Variants in LRP1 observed in about 807,000 individuals in gnomAD.
The protein encoded by LRP1 is prolow-density lipoprotein receptor-related protein 1.
Under a neutral mutation model 541.5 loss-of-function variants are expected in LRP1, and 51 were observed. The observed-to-expected ratio is 0.09, with a 90% confidence interval of 0.08 to 0.12. The LOEUF (loss-of-function observed/expected upper bound fraction) is 0.12. Ranked by LOEUF, LRP1 falls within the 10% of genes least tolerant of loss-of-function variation. LRP1 has a pLI of 1.00. For missense variants in LRP1, 3,878 were observed against 6,376.2 expected, an observed-to-expected ratio of 0.61 and a Z score of 13.34; for synonymous variants, 2,219 against 2,470.8, an observed-to-expected ratio of 0.90 and a Z score of 3.02.
chr12:57,199,339 C>T lies in LRP1; in HGVS notation c.9804C>T (p.Leu3268=), dbSNP rs972258196. ...CCACGGGCACCAACAAAACGCTCCT[C>T]ATCAGCACGCTGCACCGGCCCATGG... ...HKTTGTNKTL[L]ISTLHRPMDL... The change falls in exon 61 of 89, where the codon CTC becomes CTT. Residue 3268 remains leucine, a synonymous_variant. Transcript: ENST00000243077. 1.2e-5 allele frequency: 19 copies of T among 1,613,314 alleles called. No individual in the cohort carries two copies. In the African/African-American group the frequency reaches 1.6e-4, roughly 14 times the overall value.
intron 42 of LRP1, among the ~76,000 whole-genome samples, chr12:57,188,517 A>G (rs902521962): frequency 9.2e-5 from 14 of 152,116 alleles, no homozygotes; most frequent in African/African-American, 2.7e-4. Context: ...ATGAAGGTCC[A>G]GTCCCCCCTT....
intron 77 of LRP1, chr12:57,208,474 C>T: frequency 1.7e-6 from 1 of 594,292 alleles, no homozygotes; most frequent in African/African-American, 1.9e-5. Context: ...CACACTCTGC[C>T]CTGGGGAACA....
At chr12:57,191,568 C>A in intron 44 of LRP1, 56 bp downstream of exon 44, 1 of 1,474,518 alleles carries the variant, frequency 6.8e-7, no homozygotes, top group Non-Finnish European at 9.2e-7. Context: ...CATGGACATA[C>A]AAACACACAC....
At chr12:57,137,689 G>A (rs906685910) in intron 1 of LRP1, among the ~76,000 whole-genome samples, 1 of 152,070 alleles carries the variant, frequency 6.6e-6, no homozygotes, top group Non-Finnish European at 1.5e-5. Flanking sequence ...CCAGCCACTG[G>A]GGAGGCCGAG....
rs1269648484 is a variant in LRP1 at position 57,194,484 on chromosome 12, T to C, written c.8049T>C (p.Ser2683=). Residue 2683 remains serine, a synonymous_variant, in exon 49 of 89, where the codon AGT becomes AGC. Transcript: ENST00000243077. ...GCGCCAATGACTGTGGGGACTACAG[T>C]GATGAGCGCGACTGCCCAGGTGGGC... ...CDGANDCGDY[S]DERDCPGVKR... 6.2e-7 allele frequency: 1 copy of C among 1,600,852 alleles called. No homozygotes were observed. Among genetic ancestry groups the C allele is most frequent in the Non-Finnish European group, 8.5e-7 (1 of 1,173,822 alleles).
chr12:57,176,993 C>T (rs1321892402), intron 24 of LRP1, 48 bp from the exon 25 acceptor site: 1 of 1,526,316 alleles, frequency 6.6e-7, no homozygotes, highest in Non-Finnish European at 9.1e-7. Context: ...CACATTCATG[C>T]ACAGCTCCCC....
chr12:57,193,351 G>C (rs1480985895), intron 46 of LRP1, 47 bp downstream of exon 46: 1 of 1,600,810 alleles, frequency 6.2e-7, no homozygotes, highest in African/African-American at 1.3e-5. Context: ...CCAGAGCCCA[G>C]GTCCTCCTCC....
At chr12:57,139,650 A>G (rs1412032458) in intron 2 of LRP1, among the ~76,000 whole-genome samples, 1 of 152,060 alleles carries the variant, frequency 6.6e-6, no homozygotes, top group African/African-American at 2.4e-5. Context: ...TACCCCCCGG[A>G]CTCATAACAT....
chr12:57,156,646 T>C lies in LRP1; in HGVS notation c.1418-131T>C. ...GCAGAGGGTTTCCACCCCTGTGGCT[T>C]CCAAATCCTAAAATGGGATAGCAAG... On this transcript the variant is annotated intron_variant, in intron 9 of 88. Coordinates refer to ENST00000243077, the MANE Select transcript of LRP1 (RefSeq NM_002332.3). The surrounding 1 kb of genome is among the most constrained non-coding windows in gnomAD (Gnocchi z 5.2). The C allele has an allele frequency of 9.0e-7, 1 of 1,114,230 alleles. No individual in the cohort carries two copies. Among genetic ancestry groups the C allele is most frequent in the Non-Finnish European group, 1.2e-6 (1 of 807,958 alleles). The allele number at this position is 1,114,230 out of a possible 1,614,324, so 69.0% of individuals were successfully genotyped here.
Position 57,173,305 on chromosome 12 carries a change from A to G in LRP1, c.3301A>G (p.Thr1101Ala). The G allele has an allele frequency of 1.2e-6, 2 of 1,614,038 alleles. No homozygotes were observed. The highest frequency in any genetic ancestry group is 2.7e-5 in the African/African-American group (2 of 75,038). Residue 1101 changes from threonine to alanine, a missense_variant, in exon 21 of 89, where the codon ACC becomes GCC. Thr to Ala is a moderately conservative substitution (Grantham distance 58). This residue lies in a region of LRP1 where 320 missense variants were observed against 547.9 expected (regional missense o/e 0.58). Transcript: ENST00000243077. The surrounding 1 kb of genome is among the most constrained non-coding windows in gnomAD (Gnocchi z 4.7). The part of the protein sequence containing the change: ...SSDEKSCEGV[T>A]HVCDPSVKFG... ...CGATGAGAAGAGCTGTGAGGGAGTGACCCACGTCTGCGATCCCAGTGTCAA... is the reference window on the plus strand; with the variant it reads ...CGATGAGAAGAGCTGTGAGGGAGTGGCCCACGTCTGCGATCCCAGTGTCAA...
chr12:57,179,463 C>G lies in LRP1; in HGVS notation c.4873C>G (p.Arg1625Gly). 1 of 1,614,222 alleles carries G rather than the reference C, an allele frequency of 6.2e-7. No homozygotes were observed. The highest frequency in any genetic ancestry group is 1.3e-5 in the African/African-American group (1 of 75,060). The change falls in exon 29 of 89, where the codon CGC becomes GGC. Residue 1625 changes from arginine to glycine, a missense_variant. Physicochemically the swap from Arg to Gly is moderately radical, Grantham distance 125 (BLOSUM62 -2). Around this residue, in one of 13 missense-constraint regions of LRP1, gnomAD observed 394 missense variants for 635.9 expected, o/e 0.62. Transcript: ENST00000243077. This position sits in a 1 kb window ranked among gnomAD's most constrained non-coding sequence, Gnocchi z 6.8. ...DNVTVLDYDA[R>G]EQRVYWSDVR... ...CGTCACAGTGCTAGACTACGATGCCCGCGAGCAGCGTGTGTACTGGTCTGA... is the reference window on the plus strand; with the variant it reads ...CGTCACAGTGCTAGACTACGATGCCGGCGAGCAGCGTGTGTACTGGTCTGA...
chr12:57,158,786 C>T lies in LRP1; in HGVS notation c.1798+148C>T, dbSNP rs1016398011. 1.3e-6 allele frequency: 1 copy of T among 764,708 alleles called. No individual in the cohort carries two copies. The allele number at this position is 764,708 out of a possible 1,614,324, so 47.4% of individuals were successfully genotyped here. A position where few individuals can be genotyped will look rare whatever the true frequency, so the allele number is the denominator to read the frequency against. ...GGAGATGAGGGGATAGACAGATTGACCCCTGTGTGACCCCCTTCTTGGCTG... is the reference window on the plus strand; with the variant it reads ...GGAGATGAGGGGATAGACAGATTGATCCCTGTGTGACCCCCTTCTTGGCTG... On this transcript the variant is annotated intron_variant, in intron 11 of 88. Coordinates refer to ENST00000243077, the MANE Select transcript of LRP1 (RefSeq NM_002332.3). This position sits in a 1 kb window ranked among gnomAD's most constrained non-coding sequence, Gnocchi z 5.3.
At chr12:57,146,392 G>C (rs1219841726) in intron 6 of LRP1, 3 of 152,212 alleles carry the variant, frequency 2.0e-5, no homozygotes, top group African/African-American at 4.8e-5. Context: ...TGCATAATGG[G>C]TTTGAGCTTG....
At chr12:57,190,606 A>G (rs895491282) in intron 42 of LRP1, among the ~76,000 whole-genome samples, 199 bp from the exon 43 acceptor site, 2 of 152,112 alleles carry the variant, frequency 1.3e-5, no homozygotes, top group African/African-American at 4.8e-5. Flanking sequence ...ATCCCCTCAC[A>G]CTCAGCCACC....
rs535060650 is a variant in LRP1, at chr12:57,175,063, C to G, written c.3548-397C>G. ...GGCCCTGCTGCACCCCACCCCAAAC[C>G]CCTCCAAATCAGGAGAGATCAGCAC... On this transcript the variant is annotated intron_variant, in intron 22 of 88. Coordinates refer to ENST00000243077, the MANE Select transcript of LRP1 (RefSeq NM_002332.3). Among the ~76,000 whole-genome samples the G allele has an allele frequency of 2.6e-5, 4 of 152,272 alleles. No individual in the cohort carries two copies. In the East Asian group the frequency reaches 7.7e-4, roughly 29 times the overall value.
In LRP1 at chr12:57,128,692, G is replaced by A. The variant is rs1159118466; in HGVS notation, c.-273G>A. ...GGGGCTGTGAGCTTCGCCCGGGGAG[G>A]GGGAAAGAGCAGCGAGGAGTGAAGC... On this transcript the variant is annotated 5_prime_UTR_variant, in exon 1 of 89. Transcript: ENST00000243077. The A allele has an allele frequency of 2.2e-5, 9 of 412,788 alleles. No homozygotes were observed. Among genetic ancestry groups the A allele is most frequent in the African/African-American group, 6.1e-5 (3 of 49,136 alleles). 25.6% of individuals were successfully genotyped at this position (412,788 alleles called of 1,614,324 possible).
chr12:57,210,135 C>G lies in LRP1; in HGVS notation c.12546C>G (p.Cys4182Trp). 1 of 1,611,594 alleles carries G rather than the reference C, an allele frequency of 6.2e-7. No homozygotes were observed. Among genetic ancestry groups the G allele is most frequent in the Non-Finnish European group, 8.5e-7 (1 of 1,178,860 alleles). Residue 4182 changes from cysteine (C) to tryptophan (W), a missense_variant, in exon 81 of 89, where the codon TGC (cysteine) becomes TGG (tryptophan). Coordinates refer to ENST00000243077, the MANE Select transcript of LRP1 (RefSeq NM_002332.3). ...PNGKRLDNGT[C>W]VPVPSPTPPP... is the part of the protein sequence containing the mutation. ...GGAAGCGGCTGGACAACGGCACATG[C>G]GTGCCTGTGCCCTCTCCAACGCCCC... is the stretch of plus-strand genomic sequence containing the variant.
Position 57,205,562 on chromosome 12 carries a change from C to G in LRP1, c.11475C>G (p.Ile3825Met), listed in dbSNP as rs1283321349. 3.7e-6 allele frequency: 6 copies of G among 1,614,000 alleles called. No individual in the cohort carries two copies. Among genetic ancestry groups the G allele is most frequent in the Non-Finnish European group, 5.1e-6 (6 of 1,180,014 alleles). The change falls in exon 75 of 89, where the codon ATC (isoleucine) becomes ATG (methionine). Residue 3825 changes from isoleucine to methionine, a missense_variant. Transcript: ENST00000243077. This position sits in a 1 kb window ranked among gnomAD's most constrained non-coding sequence, Gnocchi z 4.6. Reference protein sequence around the residue: ...TVPGQPGCQDINECLRFGTCS... With the variant: ...TVPGQPGCQDMNECLRFGTCS... ...GACCCTCCCTGTAACCCTTAGACAT[C>G]AACGAGTGCCTGCGCTTCGGCACCT...
intron 16 of LRP1, 55 bp from the exon 17 acceptor site, chr12:57,166,029 C>A: frequency 6.2e-7 from 1 of 1,613,102 alleles, no homozygotes. Context: ...CTGGAGCGGG[C>A]AGGAAGCTGG....
Sources: gnomAD v4.1 joint callset for allele counts (sites outside exome capture counted in the v4.1 genomes callset) on GRCh38, gnomAD v4.1.1 for gene constraint, gnomAD v4.1.1 regional missense constraint, Gnocchi (gnomAD v3.1) non-coding constraint, MANE v1.5 for transcripts, NCBI Gene and HGNC (gene_info 2026-07-23, HGNC 2026-07-21) for gene names.